PCDHGA7: variants seen among roughly 807,000 people sequenced by gnomAD.
The protein encoded by PCDHGA7 is protocadherin gamma-A7.
A neutral mutation model predicts 58.3 loss-of-function variants in PCDHGA7; 44 were observed. That is an observed-to-expected ratio of 0.75 (90% confidence interval 0.59 to 0.97). PCDHGA7 has a LOEUF of 0.97. PCDHGA7 is among the 50% of genes least tolerant of loss of function. The probability of loss-of-function intolerance (pLI) is 0.00; values close to 1 mark genes in which losing one functional copy is unlikely to be tolerated. For synonymous variants in PCDHGA7, 516 were observed against 504.2 expected, an observed-to-expected ratio of 1.02 and a Z score of -0.31; for missense variants, 1,266 against 1,188.7, an observed-to-expected ratio of 1.06 and a Z score of -0.96.
chr5:141,486,100 C>G lies in PCDHGA7; in HGVS notation c.2425-8707C>G. Reference sequence around the variant, plus strand: ...AGCTTACTCTTTTGGGGCCCCTAGACTTTGAGAGTGAGAATTACTATGAAT... The same window carrying G: ...AGCTTACTCTTTTGGGGCCCCTAGAGTTTGAGAGTGAGAATTACTATGAAT... On this transcript the variant is annotated intron_variant, in intron 1 of 3. Transcript: ENST00000518325. This position sits in a 1 kb window ranked among gnomAD's most constrained non-coding sequence, Gnocchi z 5.0. 1 of 1,614,190 alleles carries G rather than the reference C, an allele frequency of 6.2e-7. No individual in the cohort carries two copies. The highest frequency in any genetic ancestry group is 1.1e-5 in the South Asian group (1 of 91,086).
intron 2 of PCDHGA7, among the ~76,000 whole-genome samples, chr5:141,497,336 A>G (rs558221190): frequency 1.6e-3 from 251 of 152,122 alleles, no homozygotes; most frequent in Non-Finnish European, 2.8e-3. Flanking sequence ...TTCACCATTG[A>G]ACCTGGAAGC....
In PCDHGA7 at chr5:141,414,949, G is replaced by A. The variant is rs774769957; in HGVS notation, c.2424+29626G>A. On this transcript the variant is annotated intron_variant, in intron 1 of 3. Transcript: ENST00000518325. ...CCGCTCCGCAGAGCCCGGCTACCTGGTGACCAAGGTGGTGGCGGTGGACAG... is the reference window on the plus strand; with the variant it reads ...CCGCTCCGCAGAGCCCGGCTACCTGATGACCAAGGTGGTGGCGGTGGACAG... The A allele has an allele frequency of 8.1e-6, 13 of 1,614,096 alleles. 1 individual carries two copies. The South Asian group carries it at 1.4e-4, about 18-fold the overall frequency.
At chr5:141,416,859 G>C (rs1411419006) in intron 1 of PCDHGA7, 1 of 151,936 alleles carries the variant, frequency 6.6e-6, no homozygotes, top group African/African-American at 2.4e-5. Context: ...ATTTTTTTCA[G>C]GTCAGTCAAC....
At chr5:141,418,855 A>C in intron 1 of PCDHGA7, 1 of 1,614,042 alleles carries the variant, frequency 6.2e-7, no homozygotes, top group Non-Finnish European at 8.5e-7. Context: ...CACGGTGTAA[A>C]GTAATTGTAG....
At chr5:141,416,870 A>G (rs1315073474) in intron 1 of PCDHGA7, 4 of 152,154 alleles carry the variant, frequency 2.6e-5, no homozygotes, top group Non-Finnish European at 5.9e-5. Flanking sequence ...GTCAGTCAAC[A>G]TTTGTTGAAT....
intron 1 of PCDHGA7, among the ~76,000 whole-genome samples, chr5:141,402,671 G>A (rs1016182752): frequency 2.0e-5 from 3 of 152,140 alleles, no homozygotes; most frequent in Admixed American, 2.0e-4. Flanking sequence ...TTCTTTATCA[G>A]CCATCTGATA....
chr5:141,408,390 C>T (rs375719639), intron 1 of PCDHGA7: 1 of 1,613,902 alleles, frequency 6.2e-7, no homozygotes, highest in East Asian at 2.2e-5. Context: ...GATGTGTCGG[C>T]TCGCAAGCTG....
chr5:141,418,299 G>C lies in PCDHGA7; in HGVS notation c.2424+32976G>C, dbSNP rs767901461. 5 of 1,614,046 alleles carry C rather than the reference G, an allele frequency of 3.1e-6. No individual in the cohort carries two copies. In the Admixed American group the frequency reaches 8.3e-5, roughly 27 times the overall value. On this transcript the variant is annotated intron_variant, in intron 1 of 3. Coordinates refer to ENST00000518325, the MANE Select transcript of PCDHGA7 (RefSeq NM_018920.4). ...AACTTAGAAATCAGTGAATCCGTCA[G>C]CCTGGGGATGGGAACAATTCTTGAG...
chr5:141,483,442 AATCATCAGGACTTGTTG>A (rs2099581330), intron 1 of PCDHGA7, among the ~76,000 whole-genome samples: 1 of 152,196 alleles, frequency 6.6e-6, no homozygotes, highest in Non-Finnish European at 1.5e-5. Context: ...ACTACAATAA[AATCATCAGGACTTGTTG>A]ATTGACATGA....
intron 3 of PCDHGA7, 110 bp downstream of exon 3, chr5:141,505,591 G>A (rs2099846959): frequency 6.4e-7 from 1 of 1,570,162 alleles, no homozygotes; most frequent in Non-Finnish European, 8.7e-7. Context: ...AGTTTCTCCA[G>A]ATCTTTCGGC....
intron 1 of PCDHGA7, among the ~76,000 whole-genome samples, chr5:141,455,137 G>A (rs892739175): frequency 2.7e-5 from 4 of 150,642 alleles, no homozygotes; most frequent in African/African-American, 9.8e-5. Flanking sequence ...ATTACACTGT[G>A]TTAAATAAAT....
chr5:141,441,103 A>C (rs2098225469), intron 1 of PCDHGA7: 1 of 152,198 alleles, frequency 6.6e-6, no homozygotes, highest in Non-Finnish European at 1.5e-5. Flanking sequence ...AGAGGGACTC[A>C]TTGTCCAGTG....
chr5:141,489,935 T>C lies in PCDHGA7; in HGVS notation c.2425-4872T>C. On this transcript the variant is annotated intron_variant, in intron 1 of 3. Coordinates refer to ENST00000518325, the MANE Select transcript of PCDHGA7 (RefSeq NM_018920.4). The surrounding 1 kb of genome is among the most constrained non-coding windows in gnomAD (Gnocchi z 4.5). ...GGGACCACCCTTATCTCTGTCATCG[T>C]GCTGGACATCAATGATAATGCTCCA... 1 of 1,614,216 alleles carries C rather than the reference T, an allele frequency of 6.2e-7. No individual in the cohort carries two copies.
intron 1 of PCDHGA7, chr5:141,418,485 A>G (rs1216502936): frequency 6.2e-7 from 1 of 1,614,028 alleles, no homozygotes; most frequent in South Asian, 1.1e-5. Context: ...AGCGCTCACC[A>G]CTTGGTACTG....
intron 2 of PCDHGA7, among the ~76,000 whole-genome samples, chr5:141,505,145 G>A (rs540889707): frequency 1.3e-5 from 2 of 152,288 alleles, no homozygotes; most frequent in East Asian, 3.9e-4. Flanking sequence ...CTGGATGACA[G>A]AGTAAGACCC....
At chr5:141,455,503 T>C (rs1005615473) in intron 1 of PCDHGA7, among the ~76,000 whole-genome samples, 3 of 152,302 alleles carry the variant, frequency 2.0e-5, no homozygotes, top group Middle Eastern at 3.4e-3. Context: ...CTGATTTGCA[T>C]AGGGCTCAGG....
chr5:141,420,009 A>T, intron 1 of PCDHGA7: 1 of 1,614,088 alleles, frequency 6.2e-7, no homozygotes, highest in Non-Finnish European at 8.5e-7. Context: ...CGCCTGCGAC[A>T]GTCTTTCAGC....
intron 1 of PCDHGA7, chr5:141,399,680 A>G (rs1182095574): frequency 1.2e-6 from 2 of 1,613,514 alleles, no homozygotes; most frequent in East Asian, 2.2e-5. Context: ...GCCTTTGACT[A>G]CGAGCAGCTG....
At chr5:141,397,642 T>A (rs1015821056) in intron 1 of PCDHGA7, among the ~76,000 whole-genome samples, 1 of 152,236 alleles carries the variant, frequency 6.6e-6, no homozygotes, top group African/African-American at 2.4e-5. Context: ...GTTCAAGGTA[T>A]GTTTGCAGAA....
Sources: gnomAD v4.1 joint callset for allele counts (sites outside exome capture counted in the v4.1 genomes callset) on GRCh38, gnomAD v4.1.1 for gene constraint, Gnocchi (gnomAD v3.1) non-coding constraint, MANE v1.5 for transcripts, NCBI Gene and HGNC (gene_info 2026-07-23, HGNC 2026-07-21) for gene names.